FHIT: variants seen among roughly 807,000 people sequenced by gnomAD.
The protein encoded by FHIT is fragile histidine triad diadenosine triphosphatase, also known as bis(5'-adenosyl)-triphosphatase.
FHIT carries 19 observed loss-of-function variants against 17.9 expected under a neutral mutation model. That is an observed-to-expected ratio of 1.06 (90% CI 0.74 to 1.56). FHIT has a LOEUF of 1.56. FHIT is among the 40% of genes most tolerant of loss of function. FHIT has a pLI of 0.00. For missense variants in FHIT, 248 were observed against 189.2 expected (o/e 1.31, Z -1.82); for synonymous variants, 81 against 69.7 (o/e 1.16, Z -0.81).
At chr3:61,212,031 G>C (rs537566390) in intron 1 of FHIT, among the ~76,000 whole-genome samples, 105 of 152,248 alleles carry the variant, frequency 6.9e-4, no homozygotes, top group African/African-American at 2.5e-3. Flanking sequence ...ACCAAAAGTA[G>C]ATAAAACCAC....
At chr3:60,395,422 T>A (rs1219201344) in intron 5 of FHIT, among the ~76,000 whole-genome samples, 3 of 152,144 alleles carry the variant, frequency 2.0e-5, no homozygotes, top group Non-Finnish European at 4.4e-5. Context: ...GCGGTATGAA[T>A]TAAAAAGTGG....
intron 2 of FHIT, among the ~76,000 whole-genome samples, chr3:61,134,132 A>ACACACACACACACACACACACAG (rs1455630506): frequency 2.7e-5 from 1 of 37,246 alleles, no homozygotes; most frequent in Non-Finnish European, 6.6e-5. Context: ...CACACACACA[A>ACACACACACACACACACACACAG]AGAGGTCAAG....
rs186816776 is a variant in FHIT, at chr3:60,971,071, A to T, written c.-111+70976T>A. On this transcript the variant is annotated intron_variant, in intron 3 of 9. Coordinates refer to ENST00000492590, the MANE Select transcript of FHIT (RefSeq NM_002012.4). ...ATGATGTCATTATCACACATACGAA[A>T]AAATAATGATAATGGGCCAGGCGCA... Among the ~76,000 whole-genome samples the T allele has an allele frequency of 4.7e-4, 72 of 152,338 alleles. 1 individual carries two copies. Among genetic ancestry groups the T allele is most frequent in the African/African-American group, 1.7e-3 (71 of 41,578 alleles).
chr3:60,611,658 ACGCTCGG>A, intron 4 of FHIT, among the ~76,000 whole-genome samples: 1 of 152,240 alleles, frequency 6.6e-6, no homozygotes, highest in Non-Finnish European at 1.5e-5. Context: ...GGACTTTCTA[ACGCTCGG>A]CTCTATACTA....
At chr3:60,614,527 C>T (rs1442502150) in intron 4 of FHIT, among the ~76,000 whole-genome samples, 1 of 152,132 alleles carries the variant, frequency 6.6e-6, no homozygotes, top group Admixed American at 6.5e-5. Flanking sequence ...TTGCTTGAAC[C>T]CGGGAGGCAG....
chr3:60,525,117 G>A (rs899735415), intron 5 of FHIT, among the ~76,000 whole-genome samples: 1 of 152,146 alleles, frequency 6.6e-6, no homozygotes, highest in Non-Finnish European at 1.5e-5. Context: ...TGAGAGAAGT[G>A]ACATAGATTC....
At chr3:60,544,387 T>C (rs544307607) in intron 4 of FHIT, among the ~76,000 whole-genome samples, 11 of 152,192 alleles carry the variant, frequency 7.2e-5, no homozygotes, top group Admixed American at 5.9e-4. Context: ...TGAAATGCTT[T>C]TCCTATATCA....
chr3:61,163,188 A>C (rs1166150652), intron 2 of FHIT, among the ~76,000 whole-genome samples: 2 of 152,122 alleles, frequency 1.3e-5, no homozygotes, highest in Non-Finnish European at 2.9e-5. Flanking sequence ...ATCTTCACTC[A>C]GATTTGGGCA....
intron 5 of FHIT, among the ~76,000 whole-genome samples, chr3:60,033,355 G>A (rs553280012): frequency 7.6e-4 from 115 of 152,106 alleles, no homozygotes; most frequent in African/African-American, 2.7e-3. Flanking sequence ...TCAGCCGGGC[G>A]TGGTGGCGCA....
intron 3 of FHIT, among the ~76,000 whole-genome samples, chr3:61,016,382 T>TA (rs1297013413): frequency 1.3e-5 from 2 of 152,006 alleles, no homozygotes; most frequent in Non-Finnish European, 2.9e-5. Flanking sequence ...AACAGTAAAA[T>TA]AAGAGAGTAG....
chr3:60,959,581 G>A (rs781789949), intron 3 of FHIT, among the ~76,000 whole-genome samples: 66 of 152,110 alleles, frequency 4.3e-4, no homozygotes, highest in Admixed American at 1.5e-3. Flanking sequence ...TAAGGGGTTC[G>A]CCTAGTTTGG....
chr3:59,967,448 A>G (rs1272171520), intron 7 of FHIT, among the ~76,000 whole-genome samples: 1 of 152,200 alleles, frequency 6.6e-6, no homozygotes, highest in Non-Finnish European at 1.5e-5. Context: ...GCAATGGACT[A>G]CAACGTAAAG....
At chr3:59,969,206 C>T (rs1179962542) in intron 7 of FHIT, among the ~76,000 whole-genome samples, 1 of 152,144 alleles carries the variant, frequency 6.6e-6, no homozygotes, top group African/African-American at 2.4e-5. Context: ...CGCATATTTA[C>T]TGTGTTGCTT....
At chr3:59,834,552 G>C (rs1206980513) in intron 8 of FHIT, among the ~76,000 whole-genome samples, 1 of 152,122 alleles carries the variant, frequency 6.6e-6, no homozygotes, top group East Asian at 1.9e-4. Context: ...TGCTAGTATG[G>C]TCAGTTCCTG....
chr3:60,669,186 T>C (rs1050480852), intron 4 of FHIT, among the ~76,000 whole-genome samples: 1 of 152,212 alleles, frequency 6.6e-6, no homozygotes, highest in Admixed American at 6.5e-5. Flanking sequence ...ATATTTTCTC[T>C]GGGGCTGTAC....
chr3:59,917,489 T>C (rs1705187991), intron 8 of FHIT, among the ~76,000 whole-genome samples: 1 of 152,226 alleles, frequency 6.6e-6, no homozygotes, highest in Non-Finnish European at 1.5e-5. Context: ...CACTCTTTTA[T>C]CTAAGGACGC....
chr3:60,843,149 G>T (rs1553745572), intron 3 of FHIT, among the ~76,000 whole-genome samples: 2 of 152,096 alleles, frequency 1.3e-5, no homozygotes. Context: ...AAACTCCCCA[G>T]GCAATGTGAA....
chr3:60,622,587 T>C (rs1305621779), intron 4 of FHIT, among the ~76,000 whole-genome samples: 2 of 152,186 alleles, frequency 1.3e-5, no homozygotes, highest in Non-Finnish European at 2.9e-5. Flanking sequence ...TATTAAGTCA[T>C]GCAAATAAAT....
rs114088170 is a variant in FHIT, at chr3:59,748,650, A to C, written c.*935T>G. 3.5e-4 allele frequency among the ~76,000 whole-genome samples: 54 copies of C among 152,164 alleles called. No homozygotes were observed. Among genetic ancestry groups the C allele is most frequent in the African/African-American group, 1.2e-3 (49 of 41,524 alleles). Reference sequence around the variant, plus strand: ...GACTATTTGGAGGGTACAAGGGGAGATGGGACAGGGAGAAGGAAGTGGCTA... The same window carrying C: ...GACTATTTGGAGGGTACAAGGGGAGCTGGGACAGGGAGAAGGAAGTGGCTA... On this transcript the variant is annotated 3_prime_UTR_variant, in exon 10 of 10. Coordinates refer to ENST00000492590, the MANE Select transcript of FHIT (RefSeq NM_002012.4).
Sources: allele counts gnomAD v4.1 joint callset (sites outside exome capture counted in the v4.1 genomes callset), GRCh38; gene constraint gnomAD v4.1.1; transcripts MANE v1.5; gene names NCBI Gene and HGNC (gene_info 2026-07-23, HGNC 2026-07-21).